Variants in BRD3 observed in about 807,000 individuals in gnomAD.
BRD3 encodes the protein bromodomain-containing protein 3.
BRD3 carries 17 observed loss-of-function variants against 66.8 expected under a neutral mutation model. The ratio of observed to expected loss-of-function variants is 0.25; its 90% confidence interval spans 0.17 to 0.38. The LOEUF (loss-of-function observed/expected upper bound fraction) is 0.38. Among genes scored for constraint, BRD3 ranks in the 10% least tolerant of loss-of-function variants. The pLI is 1.00. For missense variants in BRD3, 713 were observed against 956.1 expected, an observed-to-expected ratio of 0.75 and a Z score of 3.35; for synonymous variants, 421 against 393.2, an observed-to-expected ratio of 1.07 and a Z score of -0.84.
chr9:134,056,542 G>A (rs1197783955), intron 1 of BRD3: 1 of 152,384 alleles, frequency 6.6e-6, no homozygotes, highest in African/African-American at 2.4e-5. Flanking sequence ...CCTTGGCATA[G>A]AAGCGGAGCC....
chr9:134,042,618 C>T (rs1185713328), intron 7 of BRD3, among the ~76,000 whole-genome samples: 7 of 151,202 alleles, frequency 4.6e-5, no homozygotes, highest in Non-Finnish European at 2.9e-5. Flanking sequence ...GCCTGGGTGA[C>T]AGAGTGAGAC....
At position 134,031,980 on chromosome 9, in the gene BRD3, T is replaced by G. The variant is rs1252555092; in HGVS notation, c.*1610A>C. On this transcript the variant is annotated 3_prime_UTR_variant, in exon 12 of 12. Coordinates refer to ENST00000303407, the MANE Select transcript of BRD3 (RefSeq NM_007371.4). The stretch of plus-strand genomic sequence containing the variant: ...GGGAATCCTCCTGGGGCCCAGAGAC[T>G]CCTCCACCCCTGGGGAGGGCAGACA... 18 of 216,666 alleles carry G rather than the reference T, an allele frequency of 8.3e-5. No individual in the cohort carries two copies. The highest frequency in any genetic ancestry group is 1.1e-4 in the Non-Finnish European group (12 of 107,458). The allele number at this position is 216,666 out of a possible 1,614,324, so 13.4% of individuals were successfully genotyped here. A position where few individuals can be genotyped will look rare whatever the true frequency, so the allele number is the denominator to read the frequency against.
At chr9:134,054,039 C>A (rs546626189) in intron 1 of BRD3, 1 of 154,864 alleles carries the variant, frequency 6.5e-6, no homozygotes, top group African/African-American at 2.4e-5. Context: ...AGCCACGGTG[C>A]GGGCCCAACA....
chr9:134,061,822 G>A (rs913393716), intron 1 of BRD3, among the ~76,000 whole-genome samples: 2 of 152,176 alleles, frequency 1.3e-5, no homozygotes, highest in Non-Finnish European at 2.9e-5. Flanking sequence ...CACAGCCCCA[G>A]AATTCTCGGG....
At chr9:134,040,701 T>A (rs1000872141) in intron 8 of BRD3, among the ~76,000 whole-genome samples, 9 of 152,250 alleles carry the variant, frequency 5.9e-5, no homozygotes, top group Admixed American at 2.6e-4. Flanking sequence ...CTAACATTTT[T>A]ATTATTACCA....
intron 9 of BRD3, among the ~76,000 whole-genome samples, chr9:134,039,289 A>G (rs539405260): frequency 1.3e-5 from 2 of 152,330 alleles, no homozygotes; most frequent in South Asian, 4.1e-4. Context: ...AGGAAGCATG[A>G]ACACCTCAAA....
Position 134,035,968 on chromosome 9 carries a change from CAGG to C in BRD3, c.1936+61_1936+63del. ...GCCGCACAGGGTCCGTGAGGAGTGA[CAGG>C]AGGGGCAGGCCAAGGAGGGGAGAGG... On this transcript the variant is annotated intron_variant, in intron 10 of 11. Transcript: ENST00000303407. 2 of 1,540,376 alleles carry C rather than the reference CAGG, an allele frequency of 1.3e-6. 1 individual carries two copies.
In BRD3 at chr9:134,053,585, C is replaced by T. The variant is rs142675790; in HGVS notation, c.-108G>A. 1,047 of 1,446,208 alleles carry T rather than the reference C, an allele frequency of 7.2e-4. 13 individuals are homozygous for T. The African/African-American group carries it at 0.012, about 16-fold the overall frequency. The allele number at this position is 1,446,208 out of a possible 1,614,324, so 89.6% of individuals were successfully genotyped here. A position where few individuals can be genotyped will look rare whatever the true frequency, so the allele number is the denominator to read the frequency against. ...CGTCCCATTTCCGGGCCCAACCAGG[C>T]GACAGCTGCAGAGGAGGAAGCACAA... On this transcript the variant is annotated 5_prime_UTR_variant, in exon 2 of 12. Coordinates refer to ENST00000303407, the MANE Select transcript of BRD3 (RefSeq NM_007371.4).
intron 8 of BRD3, among the ~76,000 whole-genome samples, chr9:134,040,639 GC>G (rs1295939679): frequency 6.6e-6 from 1 of 152,200 alleles, no homozygotes; most frequent in Non-Finnish European, 1.5e-5. Context: ...GTATACATGT[GC>G]CACGGTAGTT....
At chr9:134,059,317 T>C (rs1486493275) in intron 1 of BRD3, among the ~76,000 whole-genome samples, 1 of 152,184 alleles carries the variant, frequency 6.6e-6, no homozygotes, top group East Asian at 1.9e-4. Flanking sequence ...ACAGCAACTG[T>C]GGGGTCCAGG....
chr9:134,046,236 G>A lies in BRD3; in HGVS notation c.1087-815C>T, dbSNP rs1036196090. On this transcript the variant is annotated intron_variant, in intron 6 of 11. Transcript: ENST00000303407. The stretch of plus-strand genomic sequence containing the variant: ...CCAGGGAGTGGCCAGAGGCAGGATC[G>A]TCGAGGGACGCTTCAAGGTGGCCAC... Among the ~76,000 whole-genome samples the A allele has an allele frequency of 4.6e-5, 7 of 152,334 alleles. No individual in the cohort carries two copies. In the East Asian group the frequency reaches 7.7e-4, roughly 17 times the overall value.
chr9:134,050,662 C>T (rs1830272962), intron 4 of BRD3, 74 bp from the exon 5 acceptor site: 1 of 1,252,684 alleles, frequency 8.0e-7, no homozygotes, highest in South Asian at 1.3e-5. Flanking sequence ...TGCCACCCCT[C>T]CAGCCAGAAC....
intron 1 of BRD3, among the ~76,000 whole-genome samples, chr9:134,065,541 G>A (rs536268952): frequency 2.0e-5 from 3 of 152,206 alleles, no homozygotes; most frequent in East Asian, 1.9e-4. Context: ...GACCAACTGC[G>A]TTAACTGCTT....
chr9:134,043,212 C>A (rs564181592), intron 7 of BRD3, among the ~76,000 whole-genome samples: 1 of 152,244 alleles, frequency 6.6e-6, no homozygotes, highest in South Asian at 2.1e-4. Flanking sequence ...CTCAAGTGAT[C>A]CTCCCACCCT....
chr9:134,033,011 G>T lies in BRD3; in HGVS notation c.*579C>A, dbSNP rs200003108. The T allele has an allele frequency of 2.3e-5, 9 of 397,630 alleles. No individual in the cohort carries two copies. The highest frequency in any genetic ancestry group is 3.5e-5 in the Non-Finnish European group (8 of 225,980). The allele number at this position is 397,630 out of a possible 1,614,324, so 24.6% of individuals were successfully genotyped here. ...CATCCCACCCGACCACCCCCCAAGG[G>T]CTCCACGCTCCGGGCTGGGGCTGCG... is the stretch of plus-strand genomic sequence containing the variant. On this transcript the variant is annotated 3_prime_UTR_variant, in exon 12 of 12. Coordinates refer to ENST00000303407, the MANE Select transcript of BRD3 (RefSeq NM_007371.4). The surrounding 1 kb of genome is among the most constrained non-coding windows in gnomAD (Gnocchi z 5.1).
intron 8 of BRD3, 68 bp from the exon 9 acceptor site, chr9:134,040,337 TG>T: frequency 7.2e-6 from 11 of 1,519,704 alleles, no homozygotes; most frequent in Non-Finnish European, 9.7e-6. Context: ...CGTGGCGCCC[TG>T]GGATTGGAGG....
rs372701647 is a variant in BRD3 at position 134,051,878 on chromosome 9, T to TGTGTGTGTGTGTG, written c.352-170_352-169insCACACACACACAC. Among the ~76,000 whole-genome samples the TGTGTGTGTGTGTG allele has an allele frequency of 1.4e-3, 159 of 116,276 alleles. 3 individuals are homozygous for TGTGTGTGTGTGTG. Among genetic ancestry groups the TGTGTGTGTGTGTG allele is most frequent in the African/African-American group, 5.6e-3 (151 of 26,838 alleles). The allele number at this position is 116,276 out of a possible 152,430, so 76.3% of individuals were successfully genotyped here. A position where few individuals can be genotyped will look rare whatever the true frequency, so the allele number is the denominator to read the frequency against. On this transcript the variant is annotated intron_variant, in intron 3 of 11. Coordinates refer to ENST00000303407, the MANE Select transcript of BRD3 (RefSeq NM_007371.4). ...GTGTGTGTGTGTGTGTGTGTGTGTGTTGTTTTTTTTGTTTTTTTTTTTTTT... is the reference window on the plus strand; with the variant it reads ...GTGTGTGTGTGTGTGTGTGTGTGTGTGTGTGTGTGTGTGTGTTTTTTTTGTTTTTTTTTTTTTT...
At chr9:134,043,390 GT>G (rs1830102087) in intron 7 of BRD3, among the ~76,000 whole-genome samples, 1 of 152,252 alleles carries the variant, frequency 6.6e-6, no homozygotes, top group African/African-American at 2.4e-5. Context: ...GGGAGGCACA[GT>G]GATGTGGAAA....
At chr9:134,065,999 A>C (rs1434627809) in intron 1 of BRD3, among the ~76,000 whole-genome samples, 1 of 152,056 alleles carries the variant, frequency 6.6e-6, no homozygotes, top group African/African-American at 2.4e-5. Flanking sequence ...CCTTCATTCA[A>C]AGCTCACTCA....
Sources: gnomAD v4.1 joint callset for allele counts (sites outside exome capture counted in the v4.1 genomes callset) on GRCh38, gnomAD v4.1.1 for gene constraint, Gnocchi (gnomAD v3.1) non-coding constraint, MANE v1.5 for transcripts, NCBI Gene and HGNC (gene_info 2026-07-23, HGNC 2026-07-21) for gene names.